The following LUZP2 variants were observed in gnomAD, a reference collection of about 807,000 sequenced individuals.
The protein encoded by LUZP2 is leucine zipper protein 2.
A neutral mutation model predicts 51.6 loss-of-function variants in LUZP2; 52 were observed. The ratio of observed to expected loss-of-function variants is 1.01; its 90% CI spans 0.81 to 1.27. The LOEUF is 1.27. Ranked by LOEUF, LUZP2 falls within the 50% of genes most tolerant of loss-of-function variation. The pLI is 0.00. For synonymous variants in LUZP2, 154 were observed against 137.3 expected, an observed-to-expected ratio of 1.12 and a Z score of -0.85; for missense variants, 436 against 395.4, an observed-to-expected ratio of 1.10 and a Z score of -0.87.
intron 8 of LUZP2, among the ~76,000 whole-genome samples, chr11:24,982,636 G>A (rs1345216785): frequency 6.6e-6 from 1 of 151,662 alleles, no homozygotes; most frequent in Non-Finnish European, 1.5e-5. Flanking sequence ...GAAGAGTAGA[G>A]TGGAGTAGAA....
At chr11:25,043,399 C>T (rs774962947) in intron 9 of LUZP2, among the ~76,000 whole-genome samples, 26 of 151,926 alleles carry the variant, frequency 1.7e-4, no homozygotes, top group Non-Finnish European at 2.1e-4. Context: ...CATCTTCAAG[C>T]GATAGCTGTG....
chr11:25,007,270 T>C (rs10834577), intron 9 of LUZP2, among the ~76,000 whole-genome samples: 134,555 of 152,176 alleles, frequency 0.88, 61,784 homozygotes, highest in Non-Finnish European at 1. Flanking sequence ...TAGAAACAAC[T>C]CAAACAACAA....
chr11:24,602,363 AGT>A (rs564136246), intron 1 of LUZP2, among the ~76,000 whole-genome samples: 933 of 71,226 alleles, frequency 0.013, 8 homozygotes, highest in Non-Finnish European at 0.018. Flanking sequence ...TCTCTTTTAA[AGT>A]GTGTGTGTGT....
At chr11:24,781,508 G>C (rs1377052744) in intron 5 of LUZP2, among the ~76,000 whole-genome samples, 2 of 151,658 alleles carry the variant, frequency 1.3e-5, no homozygotes, top group Non-Finnish European at 2.9e-5. Context: ...TCTGAAAGTT[G>C]CAGAAGACAA....
At chr11:24,885,036 A>G (rs567916234) in intron 5 of LUZP2, among the ~76,000 whole-genome samples, 11 of 152,226 alleles carry the variant, frequency 7.2e-5, no homozygotes, top group Non-Finnish European at 1.0e-4. Context: ...TTCTGTTTCG[A>G]AGAGAAGTGC....
intron 2 of LUZP2, among the ~76,000 whole-genome samples, chr11:24,730,690 A>G (rs1858682204): frequency 6.6e-6 from 1 of 151,828 alleles, no homozygotes; most frequent in Non-Finnish European, 1.5e-5. Context: ...GCATATCGTG[A>G]AAGGCCCAGA....
At chr11:24,986,537 C>CTGTGTGTG (rs61367765) in intron 9 of LUZP2, among the ~76,000 whole-genome samples, 2,900 of 145,782 alleles carry the variant, frequency 0.02, 28 homozygotes, top group Middle Eastern at 0.048. Context: ...TAGCATGCCT[C>CTGTGTGTG]TGTGTGTGTG....
intron 10 of LUZP2, among the ~76,000 whole-genome samples, chr11:25,074,203 G>T (rs1444318147): frequency 6.6e-6 from 1 of 152,098 alleles, no homozygotes; most frequent in African/African-American, 2.4e-5. Flanking sequence ...CCCACCCTTT[G>T]TGCCTCATCA....
chr11:24,767,227 C>A (rs1370089020), intron 5 of LUZP2, among the ~76,000 whole-genome samples: 1 of 152,124 alleles, frequency 6.6e-6, no homozygotes, highest in Non-Finnish European at 1.5e-5. Context: ...ACTCATAATT[C>A]ATATATCAGC....
chr11:24,833,705 C>CGT (rs201388656), intron 5 of LUZP2, among the ~76,000 whole-genome samples: 23,524 of 140,080 alleles, frequency 0.17, 2,037 homozygotes, highest in African/African-American at 0.25. Flanking sequence ...CCTGCCACCG[C>CGT]GCGCGCGCAC....
intron 1 of LUZP2, among the ~76,000 whole-genome samples, chr11:24,538,221 A>C (rs530781867): frequency 6.6e-6 from 1 of 152,036 alleles, no homozygotes; most frequent in South Asian, 2.1e-4. Flanking sequence ...TATTAAGATG[A>C]GAAAATTAAA....
At chr11:24,793,725 G>T (rs1344199000) in intron 5 of LUZP2, among the ~76,000 whole-genome samples, 2 of 152,092 alleles carry the variant, frequency 1.3e-5, no homozygotes, top group African/African-American at 4.8e-5. Context: ...GTCTTTGTCT[G>T]TAAGAGACTA....
At chr11:24,970,032 G>A (rs1356003458) in intron 7 of LUZP2, among the ~76,000 whole-genome samples, 3 of 152,100 alleles carry the variant, frequency 2.0e-5, no homozygotes, top group Admixed American at 6.6e-5. Context: ...ATGGTTTACC[G>A]AGCTGAATTA....
At chr11:24,685,533 A>G (rs928110813) in intron 1 of LUZP2, among the ~76,000 whole-genome samples, 4 of 152,122 alleles carry the variant, frequency 2.6e-5, no homozygotes, top group African/African-American at 9.7e-5. Flanking sequence ...GGCTATGACA[A>G]GGTGAACATT....
At chr11:24,640,203 T>C (rs1368684450) in intron 1 of LUZP2, among the ~76,000 whole-genome samples, 1 of 151,926 alleles carries the variant, frequency 6.6e-6, no homozygotes, top group Non-Finnish European at 1.5e-5. Context: ...CTGGTGTTTT[T>C]CGAAAGTAAA....
At chr11:24,606,138 C>A (rs1853910204) in intron 1 of LUZP2, among the ~76,000 whole-genome samples, 1 of 151,656 alleles carries the variant, frequency 6.6e-6, no homozygotes, top group Non-Finnish European at 1.5e-5. Context: ...ATATACCACA[C>A]ATTTATGTGT....
chr11:24,959,232 A>T (rs1166053288), intron 7 of LUZP2, among the ~76,000 whole-genome samples: 1 of 152,046 alleles, frequency 6.6e-6, no homozygotes, highest in Admixed American at 6.6e-5. Flanking sequence ...TGACTTGGCG[A>T]TGCGGGCTCT....
At chr11:24,783,872 C>T (rs1849164438) in intron 5 of LUZP2, among the ~76,000 whole-genome samples, 1 of 151,946 alleles carries the variant, frequency 6.6e-6, no homozygotes, top group Non-Finnish European at 1.5e-5. Context: ...CAAATACCTA[C>T]CTCAAGGTAT....
intron 5 of LUZP2, among the ~76,000 whole-genome samples, chr11:24,803,167 TCAA>T (rs1171461553): frequency 1.3e-5 from 2 of 151,902 alleles, no homozygotes; most frequent in African/African-American, 2.4e-5. Context: ...TCTCTAAAAC[TCAA>T]CAACAACCAA....
Sources: allele counts gnomAD v4.1 joint callset (sites outside exome capture counted in the v4.1 genomes callset), GRCh38; gene constraint gnomAD v4.1.1; transcripts MANE v1.5; gene names NCBI Gene and HGNC (gene_info 2026-07-23, HGNC 2026-07-21).